ARHGEF12: variants seen among roughly 807,000 people sequenced by gnomAD.
ARHGEF12 encodes the protein Rho guanine nucleotide exchange factor 12.
In ARHGEF12, 66 loss-of-function variants were observed where a neutral mutation model predicts 211.2. The observed-to-expected ratio is 0.31, with a 90% CI of 0.26 to 0.38. ARHGEF12 has a LOEUF of 0.38. Ranked by LOEUF, ARHGEF12 falls within the 10% of genes least tolerant of loss-of-function variation. ARHGEF12 has a pLI of 1.00. For synonymous variants in ARHGEF12, 592 were observed against 638.4 expected (o/e 0.93, Z 1.09); for missense variants, 1,429 against 1,869.5 (o/e 0.76, Z 4.34).
intron 1 of ARHGEF12, among the ~76,000 whole-genome samples, chr11:120,400,717 C>T (rs932275489): frequency 3.9e-5 from 6 of 152,122 alleles, no homozygotes; most frequent in African/African-American, 1.4e-4. Flanking sequence ...ATAGCTCCAG[C>T]AGAGGGAATG....
chr11:120,342,680 GAT>G (rs1285590852), intron 1 of ARHGEF12, among the ~76,000 whole-genome samples: 1 of 152,114 alleles, frequency 6.6e-6, no homozygotes, highest in African/African-American at 2.4e-5. Context: ...ATGGATATGA[GAT>G]ATGTCACAGT....
At position 120,336,806 on chromosome 11, in the gene ARHGEF12, G is replaced by A. The variant is rs1250397350; in HGVS notation, c.-438G>A. The A allele has an allele frequency of 6.3e-6, 2 of 316,958 alleles. No homozygotes were observed. The highest frequency in any genetic ancestry group is 1.1e-5 in the Non-Finnish European group (2 of 173,992). The allele number at this position is 316,958 out of a possible 1,614,324, so 19.6% of individuals were successfully genotyped here. ...CCGGCAGCCCCAGATAGAGAGCCGG[G>A]AGGGAGGGCCCCGGCCCTTGCCGCG... is the stretch of plus-strand genomic sequence containing the variant. On this transcript the variant is annotated 5_prime_UTR_variant, in exon 1 of 41. Transcript: ENST00000397843.
At chr11:120,372,267 C>T (rs1943610538) in intron 1 of ARHGEF12, among the ~76,000 whole-genome samples, 1 of 152,154 alleles carries the variant, frequency 6.6e-6, no homozygotes, top group Admixed American at 6.5e-5. Context: ...CTATTAAGCA[C>T]TGCAGTCTGA....
chr11:120,352,386 A>G (rs920390212), intron 1 of ARHGEF12, among the ~76,000 whole-genome samples: 2 of 152,224 alleles, frequency 1.3e-5, no homozygotes, highest in African/African-American at 4.8e-5. Flanking sequence ...TATTAATAGT[A>G]GATAATCAGG....
chr11:120,391,990 T>A (rs2135501417), intron 1 of ARHGEF12, among the ~76,000 whole-genome samples: 1 of 152,334 alleles, frequency 6.6e-6, no homozygotes, highest in Non-Finnish European at 1.5e-5. Flanking sequence ...AATTAGATCA[T>A]GATGTAAAAC....
At chr11:120,453,755 T>C (rs1478373035) in intron 22 of ARHGEF12, among the ~76,000 whole-genome samples, 1 of 151,930 alleles carries the variant, frequency 6.6e-6, no homozygotes, top group East Asian at 1.9e-4. Flanking sequence ...GATAAAACCA[T>C]AAAGGAAGCC....
intron 11 of ARHGEF12, among the ~76,000 whole-genome samples, chr11:120,434,767 C>T (rs1271081735): frequency 6.6e-6 from 1 of 152,174 alleles, no homozygotes; most frequent in African/African-American, 2.4e-5. Flanking sequence ...TTCAGAGCAT[C>T]TATCATTTTG....
intron 33 of ARHGEF12, 127 bp downstream of exon 33, chr11:120,475,634 AT>A (rs1947006802): frequency 4.0e-6 from 4 of 994,332 alleles, no homozygotes; most frequent in Non-Finnish European, 5.7e-6. Flanking sequence ...AGCAAATTAC[AT>A]GAAATTTACT....
intron 36 of ARHGEF12, among the ~76,000 whole-genome samples, chr11:120,477,862 CAA>C (rs528182938): frequency 1.4e-5 from 1 of 69,356 alleles, no homozygotes. Flanking sequence ...ACCGAAACAC[CAA>C]AAAAAAAAAA....
At chr11:120,419,723 C>T (rs148437079) in intron 4 of ARHGEF12, among the ~76,000 whole-genome samples, 90 of 152,102 alleles carry the variant, frequency 5.9e-4, no homozygotes, top group African/African-American at 2.0e-3. Flanking sequence ...TTTAGCATAT[C>T]GTTTGGTTGG....
intron 1 of ARHGEF12, among the ~76,000 whole-genome samples, chr11:120,342,895 T>C (rs1252044675): frequency 6.6e-6 from 1 of 152,232 alleles, no homozygotes; most frequent in African/African-American, 2.4e-5. Flanking sequence ...CTTGTTGCAA[T>C]ATGATGAAAT....
At chr11:120,425,340 T>G (rs551980023) in intron 7 of ARHGEF12, among the ~76,000 whole-genome samples, 78 of 143,218 alleles carry the variant, frequency 5.4e-4, no homozygotes, top group African/African-American at 1.9e-3. Context: ...GTTTTCTTGG[T>G]TTTTTTTTTT....
chr11:120,457,577 ATTTAT>A, intron 23 of ARHGEF12, 139 bp from the exon 24 acceptor site: 1 of 578,024 alleles, frequency 1.7e-6, no homozygotes. Context: ...ATTTTCTTCA[ATTTAT>A]TTTATATTAA....
intron 1 of ARHGEF12, among the ~76,000 whole-genome samples, chr11:120,373,162 G>C (rs1943634611): frequency 6.6e-6 from 1 of 152,068 alleles, no homozygotes. Flanking sequence ...ATAAAATACA[G>C]TTTAGATTAA....
At chr11:120,352,416 T>C (rs148135536) in intron 1 of ARHGEF12, among the ~76,000 whole-genome samples, 3,167 of 152,296 alleles carry the variant, frequency 0.021, 51 homozygotes, top group Non-Finnish European at 0.032. Flanking sequence ...GCATAAATGA[T>C]GTAAGTAAGT....
At position 120,377,232 on chromosome 11, in the gene ARHGEF12, T is replaced by G. The variant is rs774756908; in HGVS notation, c.33-28886T>G. 4.2e-4 allele frequency among the ~76,000 whole-genome samples: 64 copies of G among 152,328 alleles called. 1 individual carries two copies. The highest frequency in any genetic ancestry group is 9.8e-4 in the Admixed American group (15 of 15,304). On this transcript the variant is annotated intron_variant, in intron 1 of 40. Coordinates refer to ENST00000397843, the MANE Select transcript of ARHGEF12 (RefSeq NM_015313.3). The stretch of plus-strand genomic sequence containing the variant: ...CCAGCATAGTTAAGATATATAACAT[T>G]TCCATCACCCCAAAAAATTGTCTCT...
chr11:120,416,519 G>A (rs546363121), intron 4 of ARHGEF12, among the ~76,000 whole-genome samples: 2 of 152,224 alleles, frequency 1.3e-5, no homozygotes, highest in African/African-American at 4.8e-5. Context: ...TCTTAAGGAC[G>A]TCCAGCTGTC....
intron 1 of ARHGEF12, among the ~76,000 whole-genome samples, chr11:120,359,598 C>G (rs1466281330): frequency 6.6e-6 from 1 of 152,078 alleles, no homozygotes; most frequent in Admixed American, 6.5e-5. Flanking sequence ...TATCTGGGTA[C>G]AAATATCTAG....
chr11:120,480,193 T>A lies in ARHGEF12; in HGVS notation c.4000T>A (p.Ser1334Thr), dbSNP rs200948494. 1.0e-4 allele frequency: 161 copies of A among 1,614,208 alleles called. No individual in the cohort carries two copies. The highest frequency in any genetic ancestry group is 1.2e-4 in the Non-Finnish European group (145 of 1,180,034). ...TCYSPRTSTE[S>T]FAPRDSVGLA... Reference sequence around the variant, plus strand: ...TTACAGTCCACGGACTTCAACTGAATCTTTTGCTCCACGGGATTCAGTGGG... The same window carrying A: ...TTACAGTCCACGGACTTCAACTGAAACTTTTGCTCCACGGGATTCAGTGGG... Residue 1334 changes from serine to threonine, a missense_variant, in exon 38 of 41, where the codon TCT becomes ACT. Physicochemically the swap from Ser to Thr is moderately conservative, Grantham distance 58. Transcript: ENST00000397843.
Sources: gnomAD v4.1 joint callset for allele counts (sites outside exome capture counted in the v4.1 genomes callset) on GRCh38, gnomAD v4.1.1 for gene constraint, MANE v1.5 for transcripts, NCBI Gene and HGNC (gene_info 2026-07-23, HGNC 2026-07-21) for gene names.